DNAI3: variants seen among roughly 807,000 people sequenced by gnomAD.
The protein encoded by DNAI3 is WD repeat domain 63.
DNAI3 carries 83 observed loss-of-function variants against 115.5 expected under a neutral mutation model. That is an observed-to-expected ratio of 0.72 (90% CI 0.60 to 0.86). DNAI3 has a LOEUF of 0.86. DNAI3 is among the 40% of genes least tolerant of loss of function. The probability of loss-of-function intolerance (pLI) is 0.00; values close to 1 mark genes in which losing one functional copy is unlikely to be tolerated. For missense variants in DNAI3, 1,004 were observed against 1,075.8 expected, an observed-to-expected ratio of 0.93 and a Z score of 0.93; for synonymous variants, 320 against 347.0, an observed-to-expected ratio of 0.92 and a Z score of 0.86.
chr1:85,082,640 C>A (rs1654669153), intron 5 of DNAI3, among the ~76,000 whole-genome samples: 1 of 152,096 alleles, frequency 6.6e-6, no homozygotes, highest in Non-Finnish European at 1.5e-5. Flanking sequence ...GAGATGAGGT[C>A]TCATATGTTG....
At chr1:85,065,475 A>G (rs1654070666) in intron 1 of DNAI3, among the ~76,000 whole-genome samples, 1 of 152,224 alleles carries the variant, frequency 6.6e-6, no homozygotes, top group Admixed American at 6.5e-5. Context: ...TTGTCTTCAG[A>G]TAGTTATCCT....
At chr1:85,103,290 G>A (rs1460639947) in intron 13 of DNAI3, among the ~76,000 whole-genome samples, 1 of 152,124 alleles carries the variant, frequency 6.6e-6, no homozygotes, top group African/African-American at 2.4e-5. Context: ...AGAGCTAGTG[G>A]GTTGGAATTT....
chr1:85,101,029 G>A lies in DNAI3; in HGVS notation c.1479+2371G>A, dbSNP rs181458759. On this transcript the variant is annotated intron_variant, in intron 13 of 22. Transcript: ENST00000294664. ...GGAGATATACCTAATGCTAAATGACGAGTGAATGGGTGCAGCACACCAACA... is the reference window on the plus strand; with the variant it reads ...GGAGATATACCTAATGCTAAATGACAAGTGAATGGGTGCAGCACACCAACA... Among the ~76,000 whole-genome samples the A allele has an allele frequency of 2.0e-3, 298 of 151,902 alleles. 1 individual carries two copies. The highest frequency in any genetic ancestry group is 6.4e-3 in the African/African-American group (265 of 41,404).
rs574988814 is a variant in DNAI3, at chr1:85,073,015, T to G, written c.65-39T>G. ...TATAATAAATTGAGATGTATTTGAT[T>G]CAAAAATGTAAATTTGACTTCCTTT... On this transcript the variant is annotated intron_variant, in intron 2 of 22. Coordinates refer to ENST00000294664, the MANE Select transcript of DNAI3 (RefSeq NM_145172.5). 14 of 1,332,320 alleles carry G rather than the reference T, an allele frequency of 1.1e-5. No homozygotes were observed. In the African/African-American group the frequency reaches 2.0e-4, roughly 19 times the overall value. The allele number at this position is 1,332,320 out of a possible 1,614,324, so 82.5% of individuals were successfully genotyped here.
chr1:85,117,960 T>G (rs534467659), intron 17 of DNAI3, 101 bp downstream of exon 17: 1 of 1,352,256 alleles, frequency 7.4e-7, no homozygotes, highest in African/African-American at 1.5e-5. Context: ...GACATAAAAG[T>G]TATACCATTT....
At chr1:85,088,042 C>G (rs1437961955) in intron 7 of DNAI3, among the ~76,000 whole-genome samples, 1 of 152,028 alleles carries the variant, frequency 6.6e-6, no homozygotes, top group African/African-American at 2.4e-5. Flanking sequence ...TGGTCAAGTC[C>G]TGGCAGGGAA....
At chr1:85,105,894 T>C (rs1431382551) in intron 14 of DNAI3, among the ~76,000 whole-genome samples, 1 of 152,194 alleles carries the variant, frequency 6.6e-6, no homozygotes, top group East Asian at 1.9e-4. Context: ...ACAGAGCACC[T>C]TGAGTGACGA....
chr1:85,093,710 T>A, intron 9 of DNAI3, 62 bp downstream of exon 9: 1 of 1,601,980 alleles, frequency 6.2e-7, no homozygotes, highest in Non-Finnish European at 8.6e-7. Context: ...GTTGCTTTCA[T>A]ATGTAAAATT....
Position 85,085,850 on chromosome 1 carries a change from G to C in DNAI3, c.560G>C (p.Arg187Pro), listed in dbSNP as rs1187807745. The change falls in exon 7 of 23, where the codon CGA becomes CCA. Residue 187 changes from arginine to proline, a missense_variant. Arg to Pro is a moderately radical substitution (Grantham distance 103). Transcript: ENST00000294664. ...TTACAGATTACATATATGATTTCTC[G>C]AAAACGAAGTGAATTTGGTGCACCA... ...STKQITYMIS[R>P]KRSEFGAPIK... 9 of 1,613,968 alleles carry C rather than the reference G, an allele frequency of 5.6e-6. No homozygotes were observed. The highest frequency in any genetic ancestry group is 7.6e-6 in the Non-Finnish European group (9 of 1,179,974).
At chr1:85,101,121 A>G (rs1655295156) in intron 13 of DNAI3, among the ~76,000 whole-genome samples, 2 of 116,754 alleles carry the variant, frequency 1.7e-5, no homozygotes, top group Non-Finnish European at 3.6e-5. Context: ...TTAAAGTATA[A>G]TAATAATAAA....
At position 85,128,815 on chromosome 1, in the gene DNAI3, A is replaced by G. The variant is rs1056071467; in HGVS notation, c.2409+16A>G. On this transcript the variant is annotated intron_variant, in intron 21 of 22. Coordinates refer to ENST00000294664, the MANE Select transcript of DNAI3 (RefSeq NM_145172.5). ...CACCAATGAGGTTAGTAACTAACTT[A>G]TGACTTTGAGAATTAATGTGACCAG... 1.3e-6 allele frequency: 2 copies of G among 1,598,544 alleles called. No homozygotes were observed. Among genetic ancestry groups the G allele is most frequent in the Non-Finnish European group, 1.7e-6 (2 of 1,169,324 alleles).
At position 85,085,896 on chromosome 1, in the gene DNAI3, T is replaced by C; in HGVS notation, c.606T>C (p.Asn202=). The change falls in exon 7 of 23, where the codon AAT becomes AAC. Residue 202 remains asparagine (N), a synonymous_variant. Coordinates refer to ENST00000294664, the MANE Select transcript of DNAI3 (RefSeq NM_145172.5). Reference sequence around the variant, plus strand: ...CACCAATTAAGTTCAGTGACCAGAATGCTTCCAGTGTAAAAGATGCCTATA... The same window carrying C: ...CACCAATTAAGTTCAGTGACCAGAACGCTTCCAGTGTAAAAGATGCCTATA... ...FGAPIKFSDQ[N]ASSVKDAYIE... is the part of the protein sequence containing the mutation. 6.2e-7 allele frequency: 1 copy of C among 1,614,206 alleles called. No homozygotes were observed.
intron 3 of DNAI3, among the ~76,000 whole-genome samples, chr1:85,073,755 C>T (rs994735211): frequency 6.6e-6 from 1 of 152,178 alleles, no homozygotes; most frequent in Admixed American, 6.5e-5. Context: ...AAGGGTGACT[C>T]CATCTGACAT....
chr1:85,088,804 C>G (rs1654873484), intron 7 of DNAI3, among the ~76,000 whole-genome samples: 1 of 152,032 alleles, frequency 6.6e-6, no homozygotes, highest in Non-Finnish European at 1.5e-5. Flanking sequence ...CATGTTGCTA[C>G]TTTGATAAAA....
chr1:85,095,641 T>G (rs1655101766), intron 10 of DNAI3, among the ~76,000 whole-genome samples: 1 of 152,188 alleles, frequency 6.6e-6, no homozygotes, highest in South Asian at 2.1e-4. Flanking sequence ...GTTATAAACA[T>G]TGTAACATGC....
At chr1:85,081,143 TA>T in intron 3 of DNAI3, 90 bp from the exon 4 acceptor site, 3 of 1,051,018 alleles carry the variant, frequency 2.9e-6, no homozygotes, top group Non-Finnish European at 4.0e-6. Flanking sequence ...TTAACCAAGA[TA>T]ATTATTAAAA....
intron 9 of DNAI3, chr1:85,093,964 G>A (rs1479017439): frequency 1.9e-6 from 1 of 515,142 alleles, no homozygotes; most frequent in African/African-American, 1.9e-5. Flanking sequence ...GCTCTCCCAA[G>A]GCTAAATTTC....
At chr1:85,118,668 C>A (rs1237339884) in intron 17 of DNAI3, among the ~76,000 whole-genome samples, 2 of 152,132 alleles carry the variant, frequency 1.3e-5, no homozygotes, top group Non-Finnish European at 2.9e-5. Context: ...GTCTCAGGCA[C>A]AGCACTGGGT....
chr1:85,075,813 C>T (rs899578377), intron 3 of DNAI3, among the ~76,000 whole-genome samples: 1 of 152,198 alleles, frequency 6.6e-6, no homozygotes, highest in African/African-American at 2.4e-5. Flanking sequence ...TAGGCATTAT[C>T]AAGGCCATTA....
Sources: allele counts gnomAD v4.1 joint callset (sites outside exome capture counted in the v4.1 genomes callset), GRCh38; gene constraint gnomAD v4.1.1; transcripts MANE v1.5; gene names NCBI Gene and HGNC (gene_info 2026-07-23, HGNC 2026-07-21).